Variants in PTPRT observed in about 807,000 individuals in gnomAD.
PTPRT encodes the protein protein tyrosine phosphatase receptor type T.
In PTPRT, 56 loss-of-function variants were observed where a neutral mutation model predicts 176.8. That is an observed-to-expected ratio of 0.32 (90% CI 0.26 to 0.40). The LOEUF is 0.40. PTPRT is among the 10% of genes least tolerant of loss of function. The pLI, the probability that PTPRT is intolerant of heterozygous loss-of-function variation, is 1.00. For missense variants in PTPRT, 1,540 were observed against 1,908.2 expected (o/e 0.81, Z 3.60); for synonymous variants, 783 against 739.0 (o/e 1.06, Z -0.96).
Position 43,163,548 on chromosome 20 carries a change from G to T in PTPRT, c.88+26098C>A, listed in dbSNP as rs566442082. Among the ~76,000 whole-genome samples the T allele has an allele frequency of 1.5e-3, 233 of 152,052 alleles. 2 individuals are homozygous for T. The highest frequency in any genetic ancestry group is 5.4e-3 in the African/African-American group (224 of 41,486). On this transcript the variant is annotated intron_variant, in intron 1 of 30. Transcript: ENST00000373187. The stretch of plus-strand genomic sequence containing the variant: ...AGCTACTCAGGAGGCTGTGGCAGGA[G>T]AATGGCGTGAACCCAGGAGGCAGAG...
chr20:42,992,913 C>A (rs1321451130), intron 1 of PTPRT, among the ~76,000 whole-genome samples: 1 of 152,118 alleles, frequency 6.6e-6, no homozygotes, highest in African/African-American at 2.4e-5. Context: ...GTATGGCCAC[C>A]TTTAATATGT....
chr20:42,458,284 A>T (rs957487315), intron 8 of PTPRT, among the ~76,000 whole-genome samples: 2 of 152,172 alleles, frequency 1.3e-5, no homozygotes, highest in African/African-American at 4.8e-5. Flanking sequence ...CAAAAGTCTT[A>T]TTGTCATCAC....
chr20:42,580,528 A>T (rs2073352230), intron 7 of PTPRT, among the ~76,000 whole-genome samples: 2 of 152,156 alleles, frequency 1.3e-5, no homozygotes, highest in African/African-American at 4.8e-5. Context: ...GATTCTTCCT[A>T]TCCATGAGCA....
chr20:42,062,678 C>G, the PTPRT span, among the ~76,000 whole-genome samples: 1 of 152,204 alleles, frequency 6.6e-6, no homozygotes, highest in African/African-American at 2.4e-5. Context: ...GAGGCCTCTG[C>G]CCCCTTTTTT....
At position 42,504,619 on chromosome 20, in the gene PTPRT, C is replaced by T. The variant is rs1439888455; in HGVS notation, c.1154-32057G>A. Among the ~76,000 whole-genome samples, 3 of 151,998 alleles carry T rather than the reference C, an allele frequency of 2.0e-5. No individual in the cohort carries two copies. In the East Asian group the frequency reaches 5.8e-4, roughly 29 times the overall value. The stretch of plus-strand genomic sequence containing the variant: ...ATTTTTCCCACCTGTGACTTCCAGC[C>T]TATTTGCATTATTACATTTTATGTA... On this transcript the variant is annotated intron_variant, in intron 7 of 30. Transcript: ENST00000373187.
At chr20:42,113,102 A>G (rs983571425) in intron 22 of PTPRT, among the ~76,000 whole-genome samples, 2 of 152,146 alleles carry the variant, frequency 1.3e-5, no homozygotes, top group African/African-American at 4.8e-5. Context: ...AATCGCAGGT[A>G]ATGTTTGCTG....
At chr20:42,082,346 C>T (rs192981427) in intron 29 of PTPRT, among the ~76,000 whole-genome samples, 78 of 152,334 alleles carry the variant, frequency 5.1e-4, no homozygotes, top group Non-Finnish European at 9.6e-4. Context: ...TCAGGGCACA[C>T]TCACCCAAAC....
chr20:43,023,241 G>T (rs1985774694), intron 1 of PTPRT, among the ~76,000 whole-genome samples: 1 of 152,168 alleles, frequency 6.6e-6, no homozygotes, highest in South Asian at 2.1e-4. Flanking sequence ...AAACAAGGTA[G>T]ATTGCTCAGC....
At chr20:42,863,881 T>A (rs1419717032) in intron 2 of PTPRT, among the ~76,000 whole-genome samples, 2 of 152,146 alleles carry the variant, frequency 1.3e-5, no homozygotes, top group Admixed American at 6.5e-5. Context: ...GACCCTGGGG[T>A]CCAGCCCCAC....
chr20:42,526,562 A>C (rs1229094907), intron 7 of PTPRT, among the ~76,000 whole-genome samples: 2 of 152,170 alleles, frequency 1.3e-5, no homozygotes. Context: ...TTCTTTTAAA[A>C]TTAGTAGTGA....
At chr20:42,949,974 GGAA>G (rs1432877223) in intron 1 of PTPRT, among the ~76,000 whole-genome samples, 2 of 152,200 alleles carry the variant, frequency 1.3e-5, no homozygotes, top group African/African-American at 4.8e-5. Context: ...ATGAAAGGAA[GGAA>G]GAAGGCCTGA....
rs969492511 is a variant in PTPRT at position 42,180,497 on chromosome 20, C to T, written c.2491+18743G>A. On this transcript the variant is annotated intron_variant, in intron 16 of 30. Transcript: ENST00000373187. Reference sequence around the variant, plus strand: ...ATGTCATATCATATAATGTACTTATCTTTTGCTGTCCATTGCTTATTTCCT... The same window carrying T: ...ATGTCATATCATATAATGTACTTATTTTTTGCTGTCCATTGCTTATTTCCT... Among the ~76,000 whole-genome samples the T allele has an allele frequency of 2.0e-5, 3 of 152,316 alleles. No individual in the cohort carries two copies. In the South Asian group the frequency reaches 6.2e-4, roughly 32 times the overall value.
At chr20:42,105,743 C>A (rs1986377794) in intron 24 of PTPRT, among the ~76,000 whole-genome samples, 1 of 152,216 alleles carries the variant, frequency 6.6e-6, no homozygotes, top group Non-Finnish European at 1.5e-5. Flanking sequence ...GAAGACTGGC[C>A]TGTGTGAGTT....
chr20:42,424,846 T>C (rs1160717306), intron 9 of PTPRT, among the ~76,000 whole-genome samples: 1 of 149,392 alleles, frequency 6.7e-6, no homozygotes, highest in Admixed American at 6.7e-5. Flanking sequence ...AGGTATTATG[T>C]AGGGAGATGG....
intron 1 of PTPRT, among the ~76,000 whole-genome samples, chr20:43,178,631 C>T (rs578262850): frequency 9.2e-5 from 14 of 152,300 alleles, no homozygotes; most frequent in African/African-American, 3.1e-4. Flanking sequence ...AAAGCTGCAA[C>T]AGCAGAGCAG....
At chr20:42,184,535 C>CTTCTTCTTCTTCTTCTTCTTCTTCTTCT (rs1568652084) in intron 16 of PTPRT, among the ~76,000 whole-genome samples, 3 of 36,606 alleles carry the variant, frequency 8.2e-5, no homozygotes, top group Non-Finnish European at 1.5e-4. Flanking sequence ...CTTCTTCTTC[C>CTTCTTCTTCTTCTTCTTCTTCTTCTTCT]TCTTCCTCTT....
intron 1 of PTPRT, among the ~76,000 whole-genome samples, chr20:43,086,344 A>C (rs1568776002): frequency 6.6e-6 from 1 of 152,252 alleles, no homozygotes; most frequent in African/African-American, 2.4e-5. Flanking sequence ...ACACCATGAC[A>C]CTGCATGTGT....
At chr20:43,118,089 G>A (rs995018115) in intron 1 of PTPRT, among the ~76,000 whole-genome samples, 4 of 152,290 alleles carry the variant, frequency 2.6e-5, no homozygotes, top group Admixed American at 6.5e-5. Flanking sequence ...CTTCTGTAAA[G>A]GGACATATAA....
At chr20:42,251,283 C>A (rs2056547587) in intron 13 of PTPRT, among the ~76,000 whole-genome samples, 1 of 152,090 alleles carries the variant, frequency 6.6e-6, no homozygotes. Context: ...TAGAGAGGAT[C>A]CTATTACTCT....
Sources: allele counts gnomAD v4.1 joint callset (sites outside exome capture counted in the v4.1 genomes callset), GRCh38; gene constraint gnomAD v4.1.1; transcripts MANE v1.5; gene names NCBI Gene and HGNC (gene_info 2026-07-23, HGNC 2026-07-21).